The following CENPC variants were observed in gnomAD, a reference collection of about 807,000 sequenced individuals.
CENPC encodes the protein CENP-C 1.
Under a neutral mutation model 112.1 loss-of-function variants are expected in CENPC, and 63 were observed. The observed-to-expected ratio is 0.56, with a 90% confidence interval of 0.46 to 0.69. The LOEUF (loss-of-function observed/expected upper bound fraction) is 0.69. Ranked by LOEUF, CENPC falls within the 30% of genes least tolerant of loss-of-function variation. The pLI is 0.00. For missense variants in CENPC, 1,000 were observed against 1,103.8 expected (o/e 0.91, Z 1.33); for synonymous variants, 333 against 367.6 (o/e 0.91, Z 1.08).
At chr4:67,497,689 C>T (rs780267998) in intron 12 of CENPC, among the ~76,000 whole-genome samples, 2 of 151,996 alleles carry the variant, frequency 1.3e-5, no homozygotes, top group Non-Finnish European at 2.9e-5. Flanking sequence ...CACACCACCA[C>T]GCTCAGCTAA....
intron 16 of CENPC, among the ~76,000 whole-genome samples, chr4:67,490,874 ATATAG>A (rs1725239297): frequency 1.2e-4 from 1 of 8,414 alleles, no homozygotes; most frequent in Non-Finnish European, 3.3e-4. Flanking sequence ...ATATATATAT[ATATAG>A]AAATATATAG....
Position 67,514,696 on chromosome 4 carries a change from G to C in CENPC, c.831-9C>G. On this transcript the variant is annotated splice_polypyrimidine_tract_variant and intron_variant, in intron 7 of 18. Transcript: ENST00000273853. The stretch of plus-strand genomic sequence containing the variant: ...CATGCCTAACAATGGGACTGAAACA[G>C]GGTGATACTTTTAACAGTTCAAAAA... The C allele has an allele frequency of 1.9e-6, 3 of 1,594,420 alleles. No homozygotes were observed. The highest frequency in any genetic ancestry group is 2.6e-6 in the Non-Finnish European group (3 of 1,169,186).
chr4:67,509,675 T>C (rs1725840747), intron 9 of CENPC, among the ~76,000 whole-genome samples: 1 of 152,158 alleles, frequency 6.6e-6, no homozygotes, highest in Non-Finnish European at 1.5e-5. Context: ...TCAATTCTAC[T>C]TTATTAATGC....
At chr4:67,492,421 A>C in intron 15 of CENPC, 146 bp from the exon 16 acceptor site, 1 of 562,552 alleles carries the variant, frequency 1.8e-6, no homozygotes, top group Non-Finnish European at 3.1e-6. Context: ...TCACTCTGAT[A>C]AACAAAAATT....
chr4:67,503,067 G>T (rs891146877), intron 12 of CENPC, among the ~76,000 whole-genome samples: 2 of 152,058 alleles, frequency 1.3e-5, no homozygotes, highest in Non-Finnish European at 2.9e-5. Flanking sequence ...GTTAATACAG[G>T]TCAAGTCATG....
At position 67,514,122 on chromosome 4, in the gene CENPC, C is replaced by T. The variant is rs1381133404; in HGVS notation, c.1396G>A (p.Glu466Lys). Reference protein sequence around the residue: ...RNSDRNMEEHEEMGNDCVSKK... With the variant: ...RNSDRNMEEHKEMGNDCVSKK... ...GAAACACAATCATTTCCCATCTCTT[C>T]ATGCTCTTCCATATTTCTGTCTGAA... Residue 466 changes from glutamate (E) to lysine (K), a missense_variant, in exon 8 of 19, where the codon GAA (glutamate) becomes AAA (lysine). Transcript: ENST00000273853. 6.2e-7 allele frequency: 1 copy of T among 1,608,590 alleles called. No individual in the cohort carries two copies. The highest frequency in any genetic ancestry group is 1.1e-5 in the South Asian group (1 of 90,254).
chr4:67,474,954 G>C lies in CENPC; in HGVS notation c.2695C>G (p.Leu899Val). The C allele has an allele frequency of 6.4e-7, 1 of 1,561,604 alleles. No homozygotes were observed. The highest frequency in any genetic ancestry group is 8.7e-7 in the Non-Finnish European group (1 of 1,150,494). ...ILVFYVNFGD[L>V]LCTLHETPYI... ...GGTGTTTCATGTAAAGTACACAAAA[G>C]GTCACCAAAGTTAACATAAAAAACC... Residue 899 changes from leucine to valine, a missense_variant, in exon 18 of 19, where the codon CTT becomes GTT. Transcript: ENST00000273853.
In CENPC at chr4:67,492,312, C is replaced by G. The variant is rs1010213233; in HGVS notation, c.2420-37G>C. ...ATACCATTGAAATACAAACTACTTA[C>G]TTAAAATTATTCTCAATCCCAAAAA... On this transcript the variant is annotated intron_variant, in intron 15 of 18. Transcript: ENST00000273853. The G allele has an allele frequency of 4.4e-6, 6 of 1,355,000 alleles. No individual in the cohort carries two copies. The Admixed American group carries it at 6.3e-5, about 14-fold the overall frequency. The allele number at this position is 1,355,000 out of a possible 1,614,324, so 83.9% of individuals were successfully genotyped here.
intron 7 of CENPC, 94 bp from the exon 8 acceptor site, chr4:67,514,781 CT>C (rs1424247778): frequency 3.9e-6 from 5 of 1,274,402 alleles, no homozygotes; most frequent in Non-Finnish European, 5.3e-6. Context: ...ATCTAAATTT[CT>C]TTTAAACTGT....
intron 4 of CENPC, among the ~76,000 whole-genome samples, chr4:67,537,647 G>C (rs932816729): frequency 9.9e-5 from 15 of 152,086 alleles, no homozygotes; most frequent in African/African-American, 3.6e-4. Flanking sequence ...ACAAATATTA[G>C]CCAGGTGTGG....
chr4:67,496,249 C>T (rs1269934184), intron 12 of CENPC, among the ~76,000 whole-genome samples: 1 of 152,190 alleles, frequency 6.6e-6, no homozygotes, highest in Non-Finnish European at 1.5e-5. Context: ...CCTCGAATGT[C>T]CAACCCATTT....
chr4:67,472,645 T>C lies in CENPC; in HGVS notation c.2792A>G (p.Asn931Ser). Residue 931 changes from asparagine to serine, a missense_variant, in exon 19 of 19, where the codon AAT (asparagine) becomes AGT (serine). Asn to Ser is a conservative substitution (Grantham distance 46, BLOSUM62 1). Transcript: ENST00000273853. ...AGTAAAAAGAAGAACACTTTCCTCA[T>C]TCCGGAGATTTTTGATGTTATAATA... ...GNYYNIKNLRNEESVLLFTQI... is the reference protein window; with the variant it reads ...GNYYNIKNLRSEESVLLFTQI... 6 of 1,515,806 alleles carry C rather than the reference T, an allele frequency of 4.0e-6. No individual in the cohort carries two copies. The highest frequency in any genetic ancestry group is 2.5e-5 in the East Asian group (1 of 40,182). The allele number at this position is 1,515,806 out of a possible 1,614,324, so 93.9% of individuals were successfully genotyped here. A position where few individuals can be genotyped will look rare whatever the true frequency, so the allele number is the denominator to read the frequency against.
chr4:67,503,276 C>G (rs935402411), intron 12 of CENPC, among the ~76,000 whole-genome samples: 1 of 152,098 alleles, frequency 6.6e-6, no homozygotes, highest in Non-Finnish European at 1.5e-5. Flanking sequence ...CACATAAGAA[C>G]TTTTGCCCTT....
chr4:67,514,847 T>C (rs1389849984), intron 7 of CENPC, among the ~76,000 whole-genome samples, 160 bp from the exon 8 acceptor site: 3 of 152,124 alleles, frequency 2.0e-5, no homozygotes, highest in Non-Finnish European at 4.4e-5. Flanking sequence ...TCCTTTCACA[T>C]TTCTATGTCT....
intron 5 of CENPC, among the ~76,000 whole-genome samples, chr4:67,520,721 G>T (rs936515642): frequency 2.0e-5 from 3 of 152,068 alleles, no homozygotes; most frequent in Admixed American, 2.0e-4. Context: ...CATAAAACTA[G>T]GAAAGAGGGG....
intron 7 of CENPC, among the ~76,000 whole-genome samples, chr4:67,517,408 C>T (rs920111318): frequency 6.6e-5 from 10 of 151,584 alleles, no homozygotes; most frequent in Non-Finnish European, 1.5e-4. Context: ...GTGATCCACC[C>T]GCCTCGGCCT....
At chr4:67,520,611 C>T (rs1726197628) in intron 5 of CENPC, among the ~76,000 whole-genome samples, 1 of 152,094 alleles carries the variant, frequency 6.6e-6, no homozygotes, top group Non-Finnish European at 1.5e-5. Flanking sequence ...CCAGACAGCA[C>T]CAACAGGAAC....
At chr4:67,489,243 C>A (rs1725173545) in intron 17 of CENPC, among the ~76,000 whole-genome samples, 1 of 149,912 alleles carries the variant, frequency 6.7e-6, no homozygotes. Flanking sequence ...TAAAACAGAC[C>A]AATGTTGCAG....
At chr4:67,534,185 G>A (rs978914991) in intron 4 of CENPC, among the ~76,000 whole-genome samples, 1 of 152,180 alleles carries the variant, frequency 6.6e-6, no homozygotes, top group African/African-American at 2.4e-5. Flanking sequence ...GGAGGCTGAG[G>A]CGGGTGGATC....
Sources: allele counts gnomAD v4.1 joint callset (sites outside exome capture counted in the v4.1 genomes callset), GRCh38; gene constraint gnomAD v4.1.1; transcripts MANE v1.5; gene names NCBI Gene and HGNC (gene_info 2026-07-23, HGNC 2026-07-21).